Variants in CCDC142 observed in about 807,000 individuals in gnomAD.
CCDC142 encodes the protein coiled-coil domain containing 142.
Under a neutral mutation model 83.8 loss-of-function variants are expected in CCDC142, and 67 were observed. That is an observed-to-expected ratio of 0.80 (90% confidence interval 0.66 to 0.98). The LOEUF is 0.98. CCDC142 is among the 50% of genes least tolerant of loss of function. The pLI, the probability that CCDC142 is intolerant of heterozygous loss-of-function variation, is 0.00. For missense variants in CCDC142, 905 were observed against 946.8 expected, an observed-to-expected ratio of 0.96 and a Z score of 0.58; for synonymous variants, 421 against 421.2, an observed-to-expected ratio of 1.00 and a Z score of 0.01.
At chr2:74,475,552 G>C in intron 6 of CCDC142, 60 bp downstream of exon 6, 1 of 1,493,334 alleles carries the variant, frequency 6.7e-7, no homozygotes, top group Non-Finnish European at 9.2e-7. Context: ...GAATTTGGAA[G>C]GGCTGAGACA....
chr2:74,482,520 G>A lies in CCDC142; in HGVS notation c.318C>T (p.Leu106=), dbSNP rs1296311319. Residue 106 remains leucine, a synonymous_variant, in exon 1 of 9, where the codon CTC becomes CTT. Transcript: ENST00000393965. This position sits in a 1 kb window ranked among gnomAD's most constrained non-coding sequence, Gnocchi z 5.0. ...LRLHREREQL[L]QARDCAYHLQ... ...GGTGGTAGGCGCAGTCTCGGGCCTG[G>A]AGGAGCTGCTCCCGCTCGCGATGCA... 1 of 1,577,820 alleles carries A rather than the reference G, an allele frequency of 6.3e-7. No individual in the cohort carries two copies. Among genetic ancestry groups the A allele is most frequent in the Non-Finnish European group, 8.6e-7 (1 of 1,161,784 alleles).
In CCDC142 at chr2:74,482,056, C is replaced by T; in HGVS notation, c.782G>A (p.Arg261Lys). ...TTGGCACCGCCTGCGGAGCTGGTCC[C>T]TCAACGCCGATCCTTGGAGCGCCTC... Reference protein sequence around the residue: ...LDEALQGSALRDQLRRRCQEE... With the variant: ...LDEALQGSALKDQLRRRCQEE... The change falls in exon 1 of 9, where the codon AGG (arginine) becomes AAG (lysine). Residue 261 changes from arginine (R) to lysine (K), a missense_variant. This residue lies in a region of CCDC142 where 591 missense variants were observed against 571.4 expected (regional missense o/e 1.03). Transcript: ENST00000393965. The surrounding 1 kb of genome is among the most constrained non-coding windows in gnomAD (Gnocchi z 5.0). The T allele has an allele frequency of 1.2e-6, 2 of 1,613,644 alleles. No individual in the cohort carries two copies. The highest frequency in any genetic ancestry group is 1.7e-6 in the Non-Finnish European group (2 of 1,179,956).
Position 74,473,129 on chromosome 2 carries a change from T to G in CCDC142, c.*1417A>C. The G allele has an allele frequency of 4.5e-6, 1 of 222,032 alleles. No homozygotes were observed. Among genetic ancestry groups the G allele is most frequent in the South Asian group, 5.5e-5 (1 of 18,228 alleles). 13.8% of individuals were successfully genotyped at this position (222,032 alleles called of 1,614,324 possible). ...TAACTGAAGATTAAACGTAGTGAGC[T>G]CTGAATAGCCAAAGCTTAAACGTGA... On this transcript the variant is annotated 3_prime_UTR_variant, in exon 9 of 9. Transcript: ENST00000393965.
At chr2:74,475,771 T>C in intron 5 of CCDC142, 45 bp from the exon 6 acceptor site, 2 of 1,189,082 alleles carry the variant, frequency 1.7e-6, no homozygotes, top group Non-Finnish European at 2.5e-6. Context: ...CAAATTATGA[T>C]GATCCTCTAT....
chr2:74,480,634 A>C (rs935650955), intron 5 of CCDC142, 135 bp downstream of exon 5: 1 of 576,374 alleles, frequency 1.7e-6, no homozygotes. Flanking sequence ...AAAAATGAAC[A>C]GAGCAAAAAA....
intron 5 of CCDC142, 52 bp from the exon 6 acceptor site, chr2:74,475,778 C>A: frequency 8.7e-7 from 1 of 1,150,924 alleles, no homozygotes; most frequent in East Asian, 2.4e-5. Flanking sequence ...TGATGATCCT[C>A]TATATCTAAG....
intron 5 of CCDC142, among the ~76,000 whole-genome samples, chr2:74,476,980 G>A (rs1244350594): frequency 1.3e-5 from 2 of 152,166 alleles, no homozygotes; most frequent in Admixed American, 1.3e-4. Context: ...TTATGTCAAG[G>A]AAATTGCCCT....
rs1672224370 is a variant in CCDC142, at chr2:74,472,942, A to T, written c.*1604T>A. 4.2e-6 allele frequency: 2 copies of T among 477,758 alleles called. No homozygotes were observed. Among genetic ancestry groups the T allele is most frequent in the Admixed American group, 3.7e-5 (1 of 26,920 alleles). The allele number at this position is 477,758 out of a possible 1,614,324, so 29.6% of individuals were successfully genotyped here. On this transcript the variant is annotated 3_prime_UTR_variant, in exon 9 of 9. Transcript: ENST00000393965. ...AAAACCATAAATAAATGGCGCAAAA[A>T]CCTCTTTGCACGAAAATACGCCCGT...
rs768231556 is a variant in CCDC142, at chr2:74,474,657, C to T, written c.2142G>A (p.Pro714=). 2.4e-5 allele frequency: 38 copies of T among 1,614,108 alleles called. No individual in the cohort carries two copies. Among genetic ancestry groups the T allele is most frequent in the Non-Finnish European group, 3.0e-5 (35 of 1,180,046 alleles). Reference sequence around the variant, plus strand: ...GCTGATTTCCCACCAGGTAGCCCTCCGGGCTAGGTCCCCTTCCTCCTAGTG... The same window carrying T: ...GCTGATTTCCCACCAGGTAGCCCTCTGGGCTAGGTCCCCTTCCTCCTAGTG... ...QSTLGGRGPS[P]EGYLVGNQQA... Residue 714 remains proline, a synonymous_variant, in exon 9 of 9, where the codon CCG becomes CCA. Coordinates refer to ENST00000393965, the MANE Select transcript of CCDC142 (RefSeq NM_001365575.2).
At chr2:74,474,864 T>G in intron 8 of CCDC142, 52 bp downstream of exon 8, 5 of 1,577,216 alleles carry the variant, frequency 3.2e-6, no homozygotes, top group Non-Finnish European at 4.3e-6. Flanking sequence ...AGATTAATGG[T>G]GAGAATAGGG....
Position 74,482,130 on chromosome 2 carries a change from G to C in CCDC142, c.708C>G (p.Leu236=). The C allele has an allele frequency of 6.2e-7, 1 of 1,613,740 alleles. No homozygotes were observed. Among genetic ancestry groups the C allele is most frequent in the South Asian group, 1.1e-5 (1 of 91,046 alleles). ...AACCCCGCTCCCCCGTCAAGAGGCG[G>C]AGCACACGGGACGTGGGGAAAGGAC... ...AARPFPTSRV[L]RLLTGERGCQ... The change falls in exon 1 of 9, where the codon CTC becomes CTG. Residue 236 remains leucine (L), a synonymous_variant. Coordinates refer to ENST00000393965, the MANE Select transcript of CCDC142 (RefSeq NM_001365575.2). This position sits in a 1 kb window ranked among gnomAD's most constrained non-coding sequence, Gnocchi z 5.0.
intron 5 of CCDC142, among the ~76,000 whole-genome samples, chr2:74,480,093 A>G (rs777942613): frequency 4.6e-5 from 7 of 152,134 alleles, no homozygotes; most frequent in Non-Finnish European, 5.9e-5. Context: ...CCACTTTACA[A>G]CCTCTAATGA....
In CCDC142 at chr2:74,474,456, T is replaced by C; in HGVS notation, c.*90A>G. 1 of 1,445,670 alleles carries C rather than the reference T, an allele frequency of 6.9e-7. No individual in the cohort carries two copies. Among genetic ancestry groups the C allele is most frequent in the Non-Finnish European group, 9.2e-7 (1 of 1,085,422 alleles). 89.6% of individuals were successfully genotyped at this position (1,445,670 alleles called of 1,614,324 possible). On this transcript the variant is annotated 3_prime_UTR_variant, in exon 9 of 9. Transcript: ENST00000393965. ...ATGCTTTCCTCCAAGCTTCCAGTTC[T>C]GGGCTTCCTTAATATGCAATTCCAA...
chr2:74,480,272 CAT>C (rs1172287939), intron 5 of CCDC142, among the ~76,000 whole-genome samples: 1 of 152,078 alleles, frequency 6.6e-6, no homozygotes, highest in African/African-American at 2.4e-5. Context: ...TACATTTGTA[CAT>C]GTTTGAAATT....
Position 74,480,758 on chromosome 2 carries a change from C to A in CCDC142, c.1503+11G>T. ...GTCTTACACTGCCACTGTTGAGGCC[C>A]CTGTTCTCACCTGGATCTGTGCAGT... On this transcript the variant is annotated intron_variant, in intron 5 of 8. Transcript: ENST00000393965. 6.3e-7 allele frequency: 1 copy of A among 1,595,908 alleles called. No individual in the cohort carries two copies. The highest frequency in any genetic ancestry group is 8.6e-7 in the Non-Finnish European group (1 of 1,165,012).
Position 74,481,869 on chromosome 2 carries a change from G to C in CCDC142, c.969C>G (p.Pro323=). ...CAQSLDLNLG[P]WRDPRATAQQ... Reference sequence around the variant, plus strand: ...GCGCTGTTGCCCTGGGGTCCCTCCAGGGTCCCAGATTTAGGTCCAGACTCT... The same window carrying C: ...GCGCTGTTGCCCTGGGGTCCCTCCACGGTCCCAGATTTAGGTCCAGACTCT... The change falls in exon 1 of 9, where the codon CCC becomes CCG. Residue 323 remains proline (P), a synonymous_variant. Transcript: ENST00000393965. 2 of 1,614,142 alleles carry C rather than the reference G, an allele frequency of 1.2e-6. No homozygotes were observed. Among genetic ancestry groups the C allele is most frequent in the Admixed American group, 1.7e-5 (1 of 60,026 alleles).
At position 74,481,444 on chromosome 2, in the gene CCDC142, C is replaced by A. The variant is rs1354164119; in HGVS notation, c.1108+8G>T. ...CTTATGTCACCCCCAGTGCCCCTTCCTTCTCACCTTGGTCCCAGCTCCAGA... is the reference window on the plus strand; with the variant it reads ...CTTATGTCACCCCCAGTGCCCCTTCATTCTCACCTTGGTCCCAGCTCCAGA... On this transcript the variant is annotated splice_region_variant and intron_variant, in intron 2 of 8. Coordinates refer to ENST00000393965, the MANE Select transcript of CCDC142 (RefSeq NM_001365575.2). The A allele has an allele frequency of 6.2e-7, 1 of 1,614,020 alleles. No individual in the cohort carries two copies. The highest frequency in any genetic ancestry group is 1.3e-5 in the African/African-American group (1 of 74,908).
In CCDC142 at chr2:74,473,569, G is replaced by C. The variant is rs1672240129; in HGVS notation, c.*977C>G. On this transcript the variant is annotated 3_prime_UTR_variant, in exon 9 of 9. Coordinates refer to ENST00000393965, the MANE Select transcript of CCDC142 (RefSeq NM_001365575.2). ...TCGGACCTCGTGATCCGCCCCTCTA[G>C]GCCTCCCAAAGTGCTGGGATTACAG... Among the ~76,000 whole-genome samples the C allele has an allele frequency of 6.6e-6, 1 of 152,058 alleles. No individual in the cohort carries two copies. The highest frequency in any genetic ancestry group is 1.5e-5 in the Non-Finnish European group (1 of 68,012).
rs1672221653 is a variant in CCDC142 at position 74,472,851 on chromosome 2, G to A, written c.*1695C>T. ...AAGAGGTGGTTTCGGCACAACGCAT[G>A]GGGGAGCCCAAAGTAGGCTGTCAGC... On this transcript the variant is annotated 3_prime_UTR_variant, in exon 9 of 9. Coordinates refer to ENST00000393965, the MANE Select transcript of CCDC142 (RefSeq NM_001365575.2). 4.8e-6 allele frequency: 3 copies of A among 625,228 alleles called. No homozygotes were observed. Among genetic ancestry groups the A allele is most frequent in the South Asian group, 3.9e-5 (2 of 51,750 alleles). The allele number at this position is 625,228 out of a possible 1,614,324, so 38.7% of individuals were successfully genotyped here. A position where few individuals can be genotyped will look rare whatever the true frequency, so the allele number is the denominator to read the frequency against.
Sources: allele counts gnomAD v4.1 joint callset (sites outside exome capture counted in the v4.1 genomes callset), GRCh38; gene constraint gnomAD v4.1.1; regional missense constraint gnomAD v4.1.1; non-coding constraint Gnocchi (gnomAD v3.1); transcripts MANE v1.5; gene names NCBI Gene and HGNC (gene_info 2026-07-23, HGNC 2026-07-21).